TRAPPC9: variants seen among roughly 807,000 people sequenced by gnomAD.
The protein encoded by TRAPPC9 is trafficking protein particle complex subunit 9, also known as IKK2 binding protein.
In TRAPPC9, 83 loss-of-function variants were observed where a neutral mutation model predicts 124.0. The ratio of observed to expected loss-of-function variants is 0.67; its 90% CI spans 0.56 to 0.80. TRAPPC9 has a LOEUF of 0.80. TRAPPC9 is among the 30% of genes least tolerant of loss of function. TRAPPC9 has a pLI of 0.00. For missense variants in TRAPPC9, 1,302 were observed against 1,508.3 expected, an observed-to-expected ratio of 0.86 and a Z score of 2.27; for synonymous variants, 638 against 617.5, an observed-to-expected ratio of 1.03 and a Z score of -0.49.
rs1357727552 is a variant in TRAPPC9 at position 140,216,080 on chromosome 8, A to G, written c.2556+5379T>C. 1 of 152,272 alleles carries G rather than the reference A, an allele frequency of 6.6e-6. No individual in the cohort carries two copies. The highest frequency in any genetic ancestry group is 1.5e-5 in the Non-Finnish European group (1 of 68,068). 9.4% of individuals were successfully genotyped at this position (152,272 alleles called of 1,614,324 possible). A position where few individuals can be genotyped will look rare whatever the true frequency, so the allele number is the denominator to read the frequency against. ...CTGTAGTGAAAGAAGAAGGTGTCAC[A>G]GTGTAACTGACAGAGACCAAAGTGG... On this transcript the variant is annotated intron_variant, in intron 17 of 22. Coordinates refer to ENST00000438773, the MANE Select transcript of TRAPPC9 (RefSeq NM_001160372.4). This position sits in a 1 kb window ranked among gnomAD's most constrained non-coding sequence, Gnocchi z 4.1.
At chr8:140,439,318 A>G (rs956538747) in intron 2 of TRAPPC9, 121 bp from the exon 3 acceptor site, 27 of 1,137,926 alleles carry the variant, frequency 2.4e-5, no homozygotes, top group South Asian at 1.4e-4. Context: ...TGTAGGCTCT[A>G]TAATTTTAAG....
chr8:139,754,067 T>TGTTCTTAGCTCAGGCTGGCTCTGCAGG (rs1819536846), intron 21 of TRAPPC9, among the ~76,000 whole-genome samples: 1 of 152,222 alleles, frequency 6.6e-6, no homozygotes, highest in Non-Finnish European at 1.5e-5. Context: ...CCATCCAGTG[T>TGTTCTTAGCTCAGGCTGGCTCTGCAGG]GTTCTTAGCT....
intron 17 of TRAPPC9, among the ~76,000 whole-genome samples, chr8:140,025,497 A>G (rs1840085864): frequency 6.6e-6 from 1 of 152,110 alleles, no homozygotes; most frequent in Non-Finnish European, 1.5e-5. Context: ...AAACATAGGA[A>G]CAAATCTTCA....
chr8:140,356,840 C>A (rs2067767074), intron 9 of TRAPPC9, among the ~76,000 whole-genome samples: 1 of 152,076 alleles, frequency 6.6e-6, no homozygotes, highest in Non-Finnish European at 1.5e-5. Flanking sequence ...GAACTCCTGA[C>A]CTCAGGTGAT....
chr8:139,767,852 C>T (rs1820685460), intron 21 of TRAPPC9, among the ~76,000 whole-genome samples: 1 of 152,148 alleles, frequency 6.6e-6, no homozygotes, highest in Non-Finnish European at 1.5e-5. Flanking sequence ...AAAGCTATTG[C>T]TGGCAAGAGT....
intron 21 of TRAPPC9, among the ~76,000 whole-genome samples, chr8:139,812,089 C>T (rs1824483639): frequency 1.3e-5 from 2 of 152,142 alleles, no homozygotes; most frequent in African/African-American, 4.8e-5. Context: ...CCTGGAACCA[C>T]GCATGCACAC....
chr8:140,206,787 T>C (rs565643243), intron 17 of TRAPPC9, among the ~76,000 whole-genome samples: 1 of 150,856 alleles, frequency 6.6e-6, no homozygotes, highest in Non-Finnish European at 1.5e-5. Flanking sequence ...AAAAAGCCCG[T>C]TTCTCCTTGT....
intron 17 of TRAPPC9, among the ~76,000 whole-genome samples, chr8:140,035,326 T>C (rs114369063): frequency 0.036 from 5,464 of 152,298 alleles, 300 homozygotes; most frequent in African/African-American, 0.12. Context: ...TTCATCAGAC[T>C]TCCGGCTTAT....
chr8:139,932,648 C>A (rs761133571), intron 19 of TRAPPC9: 16 of 396,278 alleles, frequency 4.0e-5, no homozygotes, highest in Non-Finnish European at 8.1e-5. Flanking sequence ...CCTGTAGTCC[C>A]AGCTACGTGG....
chr8:140,205,888 G>A (rs1404457714), intron 17 of TRAPPC9, among the ~76,000 whole-genome samples: 1 of 152,158 alleles, frequency 6.6e-6, no homozygotes, highest in East Asian at 1.9e-4. Flanking sequence ...CATTACCTAG[G>A]AGAAGTCTCT....
At chr8:139,950,803 G>A (rs923260791) in intron 19 of TRAPPC9, among the ~76,000 whole-genome samples, 3 of 152,182 alleles carry the variant, frequency 2.0e-5, no homozygotes, top group African/African-American at 7.2e-5. Flanking sequence ...CAGAAAAAAC[G>A]GACTGATGTA....
intron 19 of TRAPPC9, among the ~76,000 whole-genome samples, chr8:139,967,526 A>G (rs1004211022): frequency 3.0e-4 from 45 of 152,192 alleles, no homozygotes; most frequent in African/African-American, 1.1e-3. Context: ...ATTCCTGCCA[A>G]AGGGGGCTCC....
At position 140,177,426 on chromosome 8, in the gene TRAPPC9, A is replaced by G. The variant is rs555347258; in HGVS notation, c.2556+44033T>C. On this transcript the variant is annotated intron_variant, in intron 17 of 22. Transcript: ENST00000438773. ...TTCCCCCTTTGAATTACCTTGGCACATTAGTCCAAAATCAATTGACTATTT... is the reference window on the plus strand; with the variant it reads ...TTCCCCCTTTGAATTACCTTGGCACGTTAGTCCAAAATCAATTGACTATTT... 2.0e-5 allele frequency among the ~76,000 whole-genome samples: 3 copies of G among 152,328 alleles called. No homozygotes were observed. The South Asian group carries it at 6.2e-4, about 32-fold the overall frequency.
chr8:139,882,044 G>A (rs570383557), intron 21 of TRAPPC9, among the ~76,000 whole-genome samples: 1 of 152,330 alleles, frequency 6.6e-6, no homozygotes, highest in South Asian at 2.1e-4. Context: ...GATTCAAGGA[G>A]AGCCCCTTGT....
At chr8:140,201,233 C>A (rs2062782669) in intron 17 of TRAPPC9, among the ~76,000 whole-genome samples, 1 of 152,158 alleles carries the variant, frequency 6.6e-6, no homozygotes, top group Non-Finnish European at 1.5e-5. Context: ...CAGAAACCTG[C>A]GGGTCCAGCC....
chr8:140,049,798 T>C (rs976346939), intron 17 of TRAPPC9, among the ~76,000 whole-genome samples: 1 of 152,130 alleles, frequency 6.6e-6, no homozygotes, highest in African/African-American at 2.4e-5. Flanking sequence ...GTGGAAGGTC[T>C]CCCGCCGAGT....
chr8:140,177,095 C>T (rs2062087670), intron 17 of TRAPPC9, among the ~76,000 whole-genome samples: 1 of 152,116 alleles, frequency 6.6e-6, no homozygotes, highest in South Asian at 2.1e-4. Context: ...CAAGGCTGAG[C>T]TTGCTTTTTT....
At chr8:140,083,052 G>A (rs1843936424) in intron 17 of TRAPPC9, among the ~76,000 whole-genome samples, 1 of 152,148 alleles carries the variant, frequency 6.6e-6, no homozygotes, top group Non-Finnish European at 1.5e-5. Flanking sequence ...AATCAGCTGG[G>A]CATGGTGGCA....
At chr8:140,400,187 G>A (rs1247054682) in intron 6 of TRAPPC9, among the ~76,000 whole-genome samples, 1 of 152,146 alleles carries the variant, frequency 6.6e-6, no homozygotes, top group Non-Finnish European at 1.5e-5. Flanking sequence ...GTCTTTATCA[G>A]CAGCATGAAA....
Sources: gnomAD v4.1 joint callset for allele counts (sites outside exome capture counted in the v4.1 genomes callset) on GRCh38, gnomAD v4.1.1 for gene constraint, Gnocchi (gnomAD v3.1) non-coding constraint, MANE v1.5 for transcripts, NCBI Gene and HGNC (gene_info 2026-07-23, HGNC 2026-07-21) for gene names.